The following GNG2 variants were observed in gnomAD, a reference collection of about 807,000 sequenced individuals.
GNG2 encodes the protein guanine nucleotide-binding protein G(I)/G(S)/G(O) subunit gamma-2.
GNG2 carries 5 observed loss-of-function variants against 5.5 expected under a neutral mutation model. That is an observed-to-expected ratio of 0.91 (90% CI 0.48 to 1.92). The LOEUF is 1.92. Among genes scored for constraint, GNG2 ranks in the 30% most tolerant of loss-of-function variants. The pLI is 0.01. For synonymous variants in GNG2, 28 were observed against 32.0 expected (o/e 0.88, Z 0.42); for missense variants, 55 against 88.4 (o/e 0.62, Z 1.52).
intron 1 of GNG2, among the ~76,000 whole-genome samples, chr14:51,869,860 A>C (rs993432317): frequency 2.6e-5 from 4 of 152,078 alleles, no homozygotes; most frequent in Non-Finnish European, 5.9e-5. Flanking sequence ...TGGAATTTCC[A>C]CTCACAACTC....
At chr14:51,900,883 C>T (rs1885505544) in intron 2 of GNG2, among the ~76,000 whole-genome samples, 1 of 152,004 alleles carries the variant, frequency 6.6e-6, no homozygotes, top group African/African-American at 2.4e-5. Flanking sequence ...CATCAGCTGA[C>T]TTTGGGTTTT....
chr14:51,968,413 G>A lies in GNG2; in HGVS notation c.*1726G>A, dbSNP rs1169062722. The A allele has an allele frequency of 6.6e-6, 1 of 151,850 alleles. No homozygotes were observed. The highest frequency in any genetic ancestry group is 2.4e-5 in the African/African-American group (1 of 41,290). The allele number at this position is 151,850 out of a possible 1,614,324, so 9.4% of individuals were successfully genotyped here. A position where few individuals can be genotyped will look rare whatever the true frequency, so the allele number is the denominator to read the frequency against. The stretch of plus-strand genomic sequence containing the variant: ...GAAGAGAAAAAGTTTGATATGCCAA[G>A]GACAGATTTTGAAACAGACTTGGTA... On this transcript the variant is annotated 3_prime_UTR_variant, in exon 4 of 4. Transcript: ENST00000556766.
At chr14:51,838,243 A>T (rs1881390523) in intron 2 of GNG2, among the ~76,000 whole-genome samples, 2 of 152,176 alleles carry the variant, frequency 1.3e-5, no homozygotes, top group Non-Finnish European at 2.9e-5. Flanking sequence ...CAGGAGTTTG[A>T]GACAAGCCTG....
intron 2 of GNG2, among the ~76,000 whole-genome samples, chr14:51,934,001 T>C (rs756370151): frequency 2.0e-5 from 3 of 152,220 alleles, no homozygotes; most frequent in Non-Finnish European, 4.4e-5. Context: ...CCAGCTTTCA[T>C]GATGTGTGTT....
chr14:51,867,801 C>T (rs1177812796), intron 1 of GNG2, among the ~76,000 whole-genome samples: 2 of 152,158 alleles, frequency 1.3e-5, no homozygotes, highest in Admixed American at 6.5e-5. Flanking sequence ...TGGTTTCTTC[C>T]CTTTTTTCCC....
chr14:51,963,302 G>A (rs766749495), intron 3 of GNG2, among the ~76,000 whole-genome samples: 95 of 152,202 alleles, frequency 6.2e-4, no homozygotes, highest in Non-Finnish European at 1.0e-3. Flanking sequence ...AGTACTTCCT[G>A]TATCATAAAA....
In GNG2 at chr14:51,946,409, C is replaced by T. The variant is rs546834328; in HGVS notation, c.-29-4241C>T. On this transcript the variant is annotated intron_variant, in intron 2 of 3. Coordinates refer to ENST00000556766, the MANE Select transcript of GNG2 (RefSeq NM_053064.5). ...AACATAGGAGGTAATTCAGCAAATT[C>T]CAATGAATATATAGATGTACATTCT... 9.9e-5 allele frequency among the ~76,000 whole-genome samples: 15 copies of T among 152,078 alleles called. No individual in the cohort carries two copies. In the South Asian group the frequency reaches 2.3e-3, roughly 23 times the overall value.
intron 2 of GNG2, among the ~76,000 whole-genome samples, chr14:51,907,045 G>A (rs1013622902): frequency 6.6e-6 from 1 of 152,114 alleles, no homozygotes; most frequent in African/African-American, 2.4e-5. Flanking sequence ...ATGAGCCACC[G>A]TGCCCGGCCG....
At chr14:51,872,854 A>G (rs887140098) in intron 1 of GNG2, among the ~76,000 whole-genome samples, 25 of 152,326 alleles carry the variant, frequency 1.6e-4, no homozygotes, top group Middle Eastern at 3.4e-3. Flanking sequence ...GATTTGTTTA[A>G]AAACATCTTG....
At chr14:51,857,521 T>C (rs1342481606), upstream of GNG2, among the ~76,000 whole-genome samples, 1 of 152,136 alleles carries the variant, frequency 6.6e-6, no homozygotes, top group Non-Finnish European at 1.5e-5. Context: ...AGTAGGAAAG[T>C]GACTTGATCA....
intron 2 of GNG2, among the ~76,000 whole-genome samples, chr14:51,890,017 A>G (rs1884744818): frequency 6.6e-6 from 1 of 152,226 alleles, no homozygotes; most frequent in Non-Finnish European, 1.5e-5. Flanking sequence ...AGTGAGTAAA[A>G]TAGAAGTCCA....
intron 3 of GNG2, among the ~76,000 whole-genome samples, chr14:51,955,195 C>A (rs896171697): frequency 2.0e-5 from 3 of 152,158 alleles, no homozygotes; most frequent in African/African-American, 4.8e-5. Context: ...CCCATATACT[C>A]CCAACAGACC....
rs1419957131 is a variant in GNG2, at chr14:51,968,901, C to A, written c.*2214C>A. 1.3e-5 allele frequency: 2 copies of A among 152,140 alleles called. No individual in the cohort carries two copies. Among genetic ancestry groups the A allele is most frequent in the Admixed American group, 6.5e-5 (1 of 15,282 alleles). 9.4% of individuals were successfully genotyped at this position (152,140 alleles called of 1,614,324 possible). A position where few individuals can be genotyped will look rare whatever the true frequency, so the allele number is the denominator to read the frequency against. ...TTTATATTTCCATGTAAATCTAGAT[C>A]TTTGGAGCAATTAAGATGGAATTAC... On this transcript the variant is annotated 3_prime_UTR_variant, in exon 4 of 4. Coordinates refer to ENST00000556766, the MANE Select transcript of GNG2 (RefSeq NM_053064.5).
chr14:51,837,646 C>CA (rs35065027), intron 2 of GNG2, among the ~76,000 whole-genome samples: 36,809 of 122,816 alleles, frequency 0.3, 5,609 homozygotes, highest in East Asian at 0.43. Context: ...GACTCCGTTT[C>CA]AAAAAAAAAA....
chr14:51,944,183 A>G (rs1347672155), intron 2 of GNG2, among the ~76,000 whole-genome samples: 2 of 151,984 alleles, frequency 1.3e-5, no homozygotes, highest in Non-Finnish European at 2.9e-5. Flanking sequence ...TGCCAAGACA[A>G]TTTGTCTGAC....
chr14:51,831,243 C>T (rs1330117433), intron 2 of GNG2, among the ~76,000 whole-genome samples: 2 of 152,216 alleles, frequency 1.3e-5, no homozygotes, highest in African/African-American at 4.8e-5. Context: ...TAGCCTCCTT[C>T]CCTTTAAAAA....
chr14:51,895,369 C>T (rs954666849), intron 2 of GNG2, among the ~76,000 whole-genome samples: 9 of 152,116 alleles, frequency 5.9e-5, no homozygotes, highest in African/African-American at 1.2e-4. Context: ...TAAATGTTAA[C>T]GAATCAACAA....
At chr14:51,866,570 CTT>C (rs80078657) in intron 1 of GNG2, among the ~76,000 whole-genome samples, 2 of 145,822 alleles carry the variant, frequency 1.4e-5, no homozygotes, top group Non-Finnish European at 1.5e-5. Flanking sequence ...CAACAGAAAT[CTT>C]TTTTTTTTTT....
chr14:51,883,022 A>G, intron 2 of GNG2, among the ~76,000 whole-genome samples: 1 of 150,956 alleles, frequency 6.6e-6, no homozygotes. Flanking sequence ...AAAAAAAAAA[A>G]GAAAAAAAAA....
Sources: gnomAD v4.1 joint callset for allele counts (sites outside exome capture counted in the v4.1 genomes callset) on GRCh38, gnomAD v4.1.1 for gene constraint, MANE v1.5 for transcripts, NCBI Gene and HGNC (gene_info 2026-07-23, HGNC 2026-07-21) for gene names.